Variants in DNAAF5 observed in about 807,000 individuals in gnomAD.
DNAAF5 encodes the protein dynein axonemal assembly factor 5.
A neutral mutation model predicts 75.8 loss-of-function variants in DNAAF5; 64 were observed. That is an observed-to-expected ratio of 0.84 (90% CI 0.69 to 1.04). The LOEUF (loss-of-function observed/expected upper bound fraction) is 1.04. Among genes scored for constraint, DNAAF5 ranks in the 50% least tolerant of loss-of-function variants. DNAAF5 has a pLI of 0.00. For missense variants in DNAAF5, 1,269 were observed against 1,178.5 expected, an observed-to-expected ratio of 1.08 and a Z score of -1.12; for synonymous variants, 657 against 557.2, an observed-to-expected ratio of 1.18 and a Z score of -2.52.
intron 4 of DNAAF5, among the ~76,000 whole-genome samples, chr7:744,232 T>A (rs923616408): frequency 6.6e-6 from 1 of 152,214 alleles, no homozygotes; most frequent in Non-Finnish European, 1.5e-5. Flanking sequence ...GAATGATGAT[T>A]TTGAATTTCA....
chr7:772,903 C>T (rs967488445), intron 9 of DNAAF5: 1 of 151,838 alleles, frequency 6.6e-6, no homozygotes, highest in African/African-American at 2.4e-5. Flanking sequence ...GATCAATGCC[C>T]AGAAGTTCTG....
At chr7:785,006 A>G (rs910597653) in intron 12 of DNAAF5, among the ~76,000 whole-genome samples, 24 of 151,718 alleles carry the variant, frequency 1.6e-4, no homozygotes, top group African/African-American at 5.6e-4. Flanking sequence ...GGTCATTCGT[A>G]TCCACATTCT....
intron 12 of DNAAF5, among the ~76,000 whole-genome samples, chr7:781,019 CA>C (rs1487694253): frequency 5.3e-5 from 8 of 152,118 alleles, no homozygotes; most frequent in Non-Finnish European, 1.5e-5. Flanking sequence ...CAAACACTTA[CA>C]CTTTCTTTGT....
chr7:761,332 C>G (rs1394819712), intron 6 of DNAAF5, among the ~76,000 whole-genome samples: 1 of 152,386 alleles, frequency 6.6e-6, no homozygotes, highest in East Asian at 1.9e-4. Context: ...CGGGCTCTGT[C>G]GGCCCTGACA....
At chr7:772,138 G>A (rs1392474985) in intron 9 of DNAAF5, 1 of 152,310 alleles carries the variant, frequency 6.6e-6, no homozygotes, top group Non-Finnish European at 1.5e-5. Flanking sequence ...GCCCAAGAGG[G>A]CTGAGGGCTG....
At chr7:770,267 T>G (rs1188943616) in intron 8 of DNAAF5, among the ~76,000 whole-genome samples, 1 of 152,212 alleles carries the variant, frequency 6.6e-6, no homozygotes, top group East Asian at 1.9e-4. Flanking sequence ...GGTTTTCATA[T>G]GGAAAAACGT....
intron 12 of DNAAF5, among the ~76,000 whole-genome samples, chr7:784,329 G>A (rs1004329338): frequency 2.0e-5 from 3 of 152,272 alleles, no homozygotes; most frequent in South Asian, 2.1e-4. Flanking sequence ...GCAGCTGCCT[G>A]GTGCCGAACC....
At chr7:758,611 C>A (rs184122273) in intron 6 of DNAAF5, among the ~76,000 whole-genome samples, 40 of 152,322 alleles carry the variant, frequency 2.6e-4, no homozygotes, top group African/African-American at 8.9e-4. Context: ...TTGATCCTCC[C>A]ACCTCAGCCT....
At chr7:765,054 G>A (rs182226070) in intron 8 of DNAAF5, among the ~76,000 whole-genome samples, 7 of 152,346 alleles carry the variant, frequency 4.6e-5, no homozygotes, top group Admixed American at 3.3e-4. Flanking sequence ...CCAGGAGTTC[G>A]AAGCTTCAGT....
chr7:751,924 G>C (rs185708551), intron 4 of DNAAF5, among the ~76,000 whole-genome samples: 43 of 152,146 alleles, frequency 2.8e-4, no homozygotes, highest in African/African-American at 1.0e-3. Flanking sequence ...AGGCTTTTCT[G>C]TAGAAATCGA....
chr7:750,442 G>T (rs1782258135), intron 4 of DNAAF5, among the ~76,000 whole-genome samples: 1 of 152,232 alleles, frequency 6.6e-6, no homozygotes, highest in African/African-American at 2.4e-5. Context: ...TGGTTTTGTG[G>T]AAGACAATTT....
At chr7:762,110 G>A (rs1335346037) in intron 7 of DNAAF5, among the ~76,000 whole-genome samples, 1 of 152,176 alleles carries the variant, frequency 6.6e-6, no homozygotes, top group East Asian at 1.9e-4. Context: ...GGAGACAGCT[G>A]TTTAATGTTA....
chr7:756,858 A>G lies in DNAAF5; in HGVS notation c.1334A>G (p.Lys445Arg), dbSNP rs138582774. The stretch of plus-strand genomic sequence containing the variant: ...CTGAAGCTGATCTTATCGACGCTGA[A>G]GAAGACGCCCTCTGCCTCCGGCCTC... ...VFLKLILSTLKKTPSASGLLV... is the reference protein window; with the variant it reads ...VFLKLILSTLRKTPSASGLLV... The change falls in exon 6 of 13, where the codon AAG (lysine) becomes AGG (arginine). Residue 445 changes from lysine to arginine, a missense_variant. Lys to Arg is a conservative substitution (Grantham distance 26, BLOSUM62 2). Transcript: ENST00000297440. The G allele has an allele frequency of 5.0e-6, 8 of 1,613,810 alleles. No homozygotes were observed. The African/African-American group carries it at 1.1e-4, about 22-fold the overall frequency.
At position 727,129 on chromosome 7, in the gene DNAAF5, G is replaced by GTCACA; in HGVS notation, c.409_410insTCACA (p.Ala137ValfsTer74). On this transcript the variant is annotated frameshift_variant, in exon 1 of 13. Coordinates refer to ENST00000297440, the MANE Select transcript of DNAAF5 (RefSeq NM_017802.4). LOFTEE classifies it high-confidence loss of function. ...CGTGCCCGCGCGCCGCCCGCCCGAG[G>GTCACA]CCTGTGAGGAGCTGCGCCTGGCGCT... The GTCACA allele has an allele frequency of 8.4e-7, 1 of 1,189,266 alleles. No homozygotes were observed. Among genetic ancestry groups the GTCACA allele is most frequent in the Non-Finnish European group, 1.0e-6 (1 of 960,570 alleles). The allele number at this position is 1,189,266 out of a possible 1,614,324, so 73.7% of individuals were successfully genotyped here. A position where few individuals can be genotyped will look rare whatever the true frequency, so the allele number is the denominator to read the frequency against.
chr7:743,468 G>C (rs866141394), intron 4 of DNAAF5, among the ~76,000 whole-genome samples: 1 of 152,000 alleles, frequency 6.6e-6, no homozygotes, highest in Non-Finnish European at 1.5e-5. Context: ...GGCTCCTCCC[G>C]AGCCTGTGAA....
At chr7:765,239 G>A (rs1369850131) in intron 8 of DNAAF5, among the ~76,000 whole-genome samples, 1 of 152,184 alleles carries the variant, frequency 6.6e-6, no homozygotes, top group Non-Finnish European at 1.5e-5. Flanking sequence ...CCTCACAGCC[G>A]GCCTGTGTGG....
Position 756,827 on chromosome 7 carries a change from G to T in DNAAF5, c.1303G>T (p.Val435Leu), listed in dbSNP as rs1209092450. ...ELVGTFVSPE[V>L]FLKLILSTLK... is the part of the protein sequence containing the mutation. ...CGTCGGGACGTTTGTCAGCCCTGAG[G>T]TGTTTCTGAAGCTGATCTTATCGAC... The change falls in exon 6 of 13, where the codon GTG becomes TTG. Residue 435 changes from valine (V) to leucine (L), a missense_variant. Val to Leu is a conservative substitution (Grantham distance 32). Transcript: ENST00000297440. The T allele has an allele frequency of 6.2e-7, 1 of 1,614,020 alleles. No individual in the cohort carries two copies. Among genetic ancestry groups the T allele is most frequent in the South Asian group, 1.1e-5 (1 of 91,078 alleles).
At chr7:776,205 G>A (rs1193785805) in intron 11 of DNAAF5, among the ~76,000 whole-genome samples, 1 of 152,042 alleles carries the variant, frequency 6.6e-6, no homozygotes, top group East Asian at 1.9e-4. Context: ...ACATGGTGGT[G>A]CGCGCCTGTA....
At chr7:745,674 T>C (rs1782074620) in intron 4 of DNAAF5, among the ~76,000 whole-genome samples, 1 of 148,220 alleles carries the variant, frequency 6.7e-6, no homozygotes, top group African/African-American at 2.4e-5. Context: ...CACACACGTG[T>C]ACACACATAT....
Sources: gnomAD v4.1 joint callset for allele counts (sites outside exome capture counted in the v4.1 genomes callset) on GRCh38, gnomAD v4.1.1 for gene constraint, MANE v1.5 for transcripts, NCBI Gene and HGNC (gene_info 2026-07-23, HGNC 2026-07-21) for gene names.